ATG2A: variants seen among roughly 807,000 people sequenced by gnomAD.
ATG2A encodes autophagy related 2A, also known as autophagy-related protein 2 homolog A.
A neutral mutation model predicts 214.2 loss-of-function variants in ATG2A; 103 were observed. The observed-to-expected ratio is 0.48, with a 90% CI of 0.41 to 0.57. The LOEUF is 0.57. Ranked by LOEUF, ATG2A falls within the 20% of genes least tolerant of loss-of-function variation. The pLI is 0.00. For synonymous variants in ATG2A, 1,160 were observed against 1,142.1 expected (o/e 1.02, Z -0.32); for missense variants, 2,312 against 2,613.2 (o/e 0.88, Z 2.51).
chr11:64,916,238 T>A (rs1944979127), intron 1 of ATG2A, among the ~76,000 whole-genome samples: 1 of 152,110 alleles, frequency 6.6e-6, no homozygotes, highest in Admixed American at 6.5e-5. Flanking sequence ...TCCTCCCGGC[T>A]TGAAGCCAGA....
chr11:64,900,157 T>C (rs1944303116), intron 31 of ATG2A, among the ~76,000 whole-genome samples: 1 of 151,650 alleles, frequency 6.6e-6, no homozygotes, highest in Non-Finnish European at 1.5e-5. Context: ...TAAGCCACCA[T>C]GCCTGGCCCC....
intron 24 of ATG2A, among the ~76,000 whole-genome samples, chr11:64,904,519 T>C (rs1488008238): frequency 6.6e-6 from 1 of 151,478 alleles, no homozygotes; most frequent in Non-Finnish European, 1.5e-5. Context: ...CACTCCAGCC[T>C]GCTGACAGAG....
chr11:64,908,948 T>G (rs1349537514), intron 16 of ATG2A, 43 bp downstream of exon 16: 3 of 1,537,832 alleles, frequency 2.0e-6, no homozygotes, highest in Middle Eastern at 1.8e-4. Flanking sequence ...ACCCGGGCGG[T>G]GGGCGGGAGG....
intron 29 of ATG2A, among the ~76,000 whole-genome samples, chr11:64,901,361 A>AT (rs1565745562): frequency 6.6e-5 from 10 of 151,794 alleles, no homozygotes; most frequent in African/African-American, 2.2e-4. Context: ...TTTTATTTTT[A>AT]TTTTTTGTAG....
At position 64,894,688 on chromosome 11, in the gene ATG2A, C is replaced by G. The variant is rs773720054; in HGVS notation, c.*285G>C. The G allele has an allele frequency of 4.9e-5, 33 of 675,344 alleles. No individual in the cohort carries two copies. The highest frequency in any genetic ancestry group is 1.2e-4 in the South Asian group (8 of 66,544). The allele number at this position is 675,344 out of a possible 1,614,324, so 41.8% of individuals were successfully genotyped here. A position where few individuals can be genotyped will look rare whatever the true frequency, so the allele number is the denominator to read the frequency against. ...ACACTTGGCTGAGTGGGATGGGGTCCGAGGGTCCAAAAGCCTCCGTCCTGG... is the reference window on the plus strand; with the variant it reads ...ACACTTGGCTGAGTGGGATGGGGTCGGAGGGTCCAAAAGCCTCCGTCCTGG... On this transcript the variant is annotated 3_prime_UTR_variant, in exon 41 of 41. Transcript: ENST00000377264.
Position 64,909,745 on chromosome 11 carries a change from C to T in ATG2A, c.2043G>A (p.Glu681=). Residue 681 remains glutamate (E), a synonymous_variant, in exon 14 of 41, where the codon GAG becomes GAA. Transcript: ENST00000377264. ...CTGGGGGACCAGGCCCACTGCTAAG[C>T]TCTGACCGGAACTGGGGCTCACTCA... ...LELSEPQFRS[E]LSSGPGPPVP... The T allele has an allele frequency of 6.2e-7, 1 of 1,613,106 alleles. No homozygotes were observed. Among genetic ancestry groups the T allele is most frequent in the Non-Finnish European group, 8.5e-7 (1 of 1,180,026 alleles).
rs1944221731 is a variant in ATG2A at position 64,898,131 on chromosome 11, C to T, written c.4813G>A (p.Val1605Met). Residue 1605 changes from valine (V) to methionine (M), a missense_variant, in exon 34 of 41, where the codon GTG becomes ATG. Physicochemically the swap from Val to Met is conservative, Grantham distance 21. Transcript: ENST00000377264. The surrounding 1 kb of genome is among the most constrained non-coding windows in gnomAD (Gnocchi z 4.5). ...GGGACCACGGGGTTGATGCCGGCCACCAGACTAGTGAAGAAGTCCTTGAGG... is the reference window on the plus strand; with the variant it reads ...GGGACCACGGGGTTGATGCCGGCCATCAGACTAGTGAAGAAGTCCTTGAGG... Reference protein sequence around the residue: ...FFLKDFFTSLVAGINPVVPGE... With the variant: ...FFLKDFFTSLMAGINPVVPGE... The T allele has an allele frequency of 6.2e-7, 1 of 1,614,020 alleles. No individual in the cohort carries two copies. Among genetic ancestry groups the T allele is most frequent in the Admixed American group, 1.7e-5 (1 of 60,004 alleles).
In ATG2A at chr11:64,895,106, G is replaced by A. The variant is rs143178044; in HGVS notation, c.5684C>T (p.Pro1895Leu). 19 of 1,612,938 alleles carry A rather than the reference G, an allele frequency of 1.2e-5. No individual in the cohort carries two copies. Among genetic ancestry groups the A allele is most frequent in the African/African-American group, 6.7e-5 (5 of 75,038 alleles). ...AVGGVIRQLPPTVVKPLILAT... is the reference protein window; with the variant it reads ...AVGGVIRQLPLTVVKPLILAT... ...CAGGATGAGCGGCTTCACCACAGTC[G>A]GGGGCAGCTGGCGGATCACGCCCCC... The change falls in exon 41 of 41, where the codon CCG becomes CTG. Residue 1895 changes from proline (P) to leucine (L), a missense_variant. Physicochemically the swap from Pro to Leu is moderately conservative, Grantham distance 98 (BLOSUM62 -3). Coordinates refer to ENST00000377264, the MANE Select transcript of ATG2A (RefSeq NM_015104.3). This position sits in a 1 kb window ranked among gnomAD's most constrained non-coding sequence, Gnocchi z 5.0.
chr11:64,910,888 G>C lies in ATG2A; in HGVS notation c.1533C>G (p.Thr511=). 6.2e-7 allele frequency: 1 copy of C among 1,610,646 alleles called. No homozygotes were observed. Among genetic ancestry groups the C allele is most frequent in the South Asian group, 1.1e-5 (1 of 90,644 alleles). ...LRTGSRGRRT[T]SMEVHFGQLE... is the part of the protein sequence containing the mutation. ...GCTGCCCGAAGTGCACTTCCATGCT[G>C]GTTGTCCGCCGGCCCCGACTGCCCG... The change falls in exon 11 of 41, where the codon ACC becomes ACG. Residue 511 remains threonine (T), a synonymous_variant. Coordinates refer to ENST00000377264, the MANE Select transcript of ATG2A (RefSeq NM_015104.3).
At chr11:64,916,912 G>A (rs1270100009) in intron 1 of ATG2A, 53 bp downstream of exon 1, 6 of 1,600,116 alleles carry the variant, frequency 3.7e-6, no homozygotes, top group Non-Finnish European at 5.1e-6. Context: ...GGAGCCTCAG[G>A]TCGCTGCGCT....
chr11:64,906,912 G>A (rs979857703), intron 19 of ATG2A, 97 bp from the exon 20 acceptor site: 26 of 1,404,782 alleles, frequency 1.9e-5, no homozygotes, highest in Non-Finnish European at 2.5e-5. Flanking sequence ...GCCTAAGGGG[G>A]TCAGCTCCAG....
chr11:64,897,053 C>T, intron 37 of ATG2A, 184 bp from the exon 38 acceptor site: 8 of 876,660 alleles, frequency 9.1e-6, no homozygotes, highest in South Asian at 7.4e-5. Flanking sequence ...TGGAGTCTTG[C>T]TCCGTTGCCC....
intron 1 of ATG2A, among the ~76,000 whole-genome samples, chr11:64,915,438 C>T (rs960651556): frequency 6.6e-6 from 1 of 152,146 alleles, no homozygotes; most frequent in Admixed American, 6.5e-5. Context: ...ATCTAGTCAC[C>T]CAGTATACAA....
In ATG2A at chr11:64,913,251, T is replaced by C; in HGVS notation, c.726+15A>G. On this transcript the variant is annotated intron_variant, in intron 5 of 40. Coordinates refer to ENST00000377264, the MANE Select transcript of ATG2A (RefSeq NM_015104.3). The surrounding 1 kb of genome is among the most constrained non-coding windows in gnomAD (Gnocchi z 4.3). ...GGAGAGGAGACAGGGGCTGTGGGAATCAGAGCCCGCTCACCTGTGCCGGGA... is the reference window on the plus strand; with the variant it reads ...GGAGAGGAGACAGGGGCTGTGGGAACCAGAGCCCGCTCACCTGTGCCGGGA... The C allele has an allele frequency of 6.2e-7, 1 of 1,611,918 alleles. No individual in the cohort carries two copies. The highest frequency in any genetic ancestry group is 8.5e-7 in the Non-Finnish European group (1 of 1,179,720).
In ATG2A at chr11:64,907,319, T is replaced by C; in HGVS notation, c.2768A>G (p.Gln923Arg). ...TGTCACCAGTGTAGAGAAGGTGCTC[T>C]GCAAGTGAAGACTTGGGGCCTCAGG... ...AAPEAPSLHL[Q>R]STFSTLVTVL... Residue 923 changes from glutamine to arginine, a missense_variant, in exon 19 of 41, where the codon CAG (glutamine) becomes CGG (arginine). Gln to Arg is a conservative substitution (Grantham distance 43, BLOSUM62 1). Coordinates refer to ENST00000377264, the MANE Select transcript of ATG2A (RefSeq NM_015104.3). 2 of 1,552,126 alleles carry C rather than the reference T, an allele frequency of 1.3e-6. No individual in the cohort carries two copies. The highest frequency in any genetic ancestry group is 1.4e-5 in the African/African-American group (1 of 73,250).
In ATG2A at chr11:64,897,738, A is replaced by C; in HGVS notation, c.5000T>G (p.Phe1667Cys). Reference sequence around the variant, plus strand: ...GATGGGGACCTCAGACGTGAAGCGGAACTCTCTGGGTAGGGGAGCAGGAAG... The same window carrying C: ...GATGGGGACCTCAGACGTGAAGCGGCACTCTCTGGGTAGGGGAGCAGGAAG... ...PDQQPIYFRE[F>C]RFTSEVPIWL... is the part of the protein sequence containing the mutation. The change falls in exon 36 of 41, where the codon TTC becomes TGC. Residue 1667 changes from phenylalanine to cysteine, a missense_variant. Coordinates refer to ENST00000377264, the MANE Select transcript of ATG2A (RefSeq NM_015104.3). The C allele has an allele frequency of 6.2e-7, 1 of 1,614,204 alleles. No individual in the cohort carries two copies. Among genetic ancestry groups the C allele is most frequent in the Non-Finnish European group, 8.5e-7 (1 of 1,180,032 alleles).
Position 64,913,135 on chromosome 11 carries a change from T to A in ATG2A, c.728A>T (p.Glu243Val). The A allele has an allele frequency of 1.9e-6, 3 of 1,583,996 alleles. No homozygotes were observed. The highest frequency in any genetic ancestry group is 2.6e-6 in the Non-Finnish European group (3 of 1,161,930). The change falls in exon 6 of 41, where the codon GAA (glutamate) becomes GTA (valine). Residue 243 changes from glutamate to valine, a missense_variant and splice_region_variant. Glu to Val is a moderately radical substitution (Grantham distance 121). Coordinates refer to ENST00000377264, the MANE Select transcript of ATG2A (RefSeq NM_015104.3). The surrounding 1 kb of genome is among the most constrained non-coding windows in gnomAD (Gnocchi z 4.3). The stretch of plus-strand genomic sequence containing the variant: ...CTGCAAGGGGGGCTCTGGAGGCTCT[T>A]CCTGGGAGACGGGAGGATACAAGAG... ...RLHYEELPAQ[E>V]EPPEPPLQIG...
In ATG2A at chr11:64,907,593, G is replaced by C. The variant is rs1161444364; in HGVS notation, c.2579C>G (p.Ser860Trp). ...GAAGCCTGAGGGGCCGGGGAAGCCC[G>C]AGGGCTGGGCGGCGGGGTCGGGGGT... ...LPTPDPAAQP[S>W]GFPGPSGFWH... Residue 860 changes from serine (S) to tryptophan (W), a missense_variant, in exon 18 of 41, where the codon TCG becomes TGG. By Grantham distance (177) the Ser-to-Trp change is radical. Transcript: ENST00000377264. 1 of 1,604,032 alleles carries C rather than the reference G, an allele frequency of 6.2e-7. No individual in the cohort carries two copies. The highest frequency in any genetic ancestry group is 1.3e-5 in the African/African-American group (1 of 74,684).
intron 9 of ATG2A, among the ~76,000 whole-genome samples, 154 bp from the exon 10 acceptor site, chr11:64,911,429 G>A (rs988954617): frequency 6.6e-6 from 1 of 152,086 alleles, no homozygotes; most frequent in Non-Finnish European, 1.5e-5. Flanking sequence ...TGACACTGGT[G>A]CCTCCAGTAG....
Sources: gnomAD v4.1 joint callset for allele counts (sites outside exome capture counted in the v4.1 genomes callset) on GRCh38, gnomAD v4.1.1 for gene constraint, Gnocchi (gnomAD v3.1) non-coding constraint, MANE v1.5 for transcripts, NCBI Gene and HGNC (gene_info 2026-07-23, HGNC 2026-07-21) for gene names.